Variants in PLCB1 observed in about 807,000 individuals in gnomAD.
The protein encoded by PLCB1 is 1-phosphatidylinositol 4,5-bisphosphate phosphodiesterase beta-1.
PLCB1 carries 46 observed loss-of-function variants against 161.8 expected under a neutral mutation model. The observed-to-expected ratio is 0.28, with a 90% CI of 0.22 to 0.36. The LOEUF (loss-of-function observed/expected upper bound fraction) is 0.36, where lower values mean the gene tolerates loss of function less well. Among genes scored for constraint, PLCB1 ranks in the 10% least tolerant of loss-of-function variants. The probability of loss-of-function intolerance (pLI) is 1.00; values close to 1 mark genes in which losing one functional copy is unlikely to be tolerated. For synonymous variants in PLCB1, 517 were observed against 503.7 expected (o/e 1.03, Z -0.35); for missense variants, 1,016 against 1,472.5 (o/e 0.69, Z 5.07).
chr20:8,215,983 T>A (rs1222375214), intron 2 of PLCB1, among the ~76,000 whole-genome samples: 2 of 152,052 alleles, frequency 1.3e-5, no homozygotes, highest in East Asian at 3.9e-4. Context: ...AGTAATTCAG[T>A]TTTGCGCTTT....
At chr20:8,637,560 A>G (rs1434940128) in intron 4 of PLCB1, among the ~76,000 whole-genome samples, 2 of 152,206 alleles carry the variant, frequency 1.3e-5, no homozygotes, top group Non-Finnish European at 2.9e-5. Context: ...GTTAAAGTAG[A>G]AGGGTGGGGA....
intron 13 of PLCB1, among the ~76,000 whole-genome samples, chr20:8,716,952 G>C (rs1979350876): frequency 6.6e-6 from 1 of 152,202 alleles, no homozygotes; most frequent in Non-Finnish European, 1.5e-5. Flanking sequence ...GCCAAGAATA[G>C]AGGACTAACT....
intron 10 of PLCB1, among the ~76,000 whole-genome samples, chr20:8,690,196 T>C (rs1990444987): frequency 6.6e-6 from 1 of 151,054 alleles, no homozygotes; most frequent in Non-Finnish European, 1.5e-5. Context: ...TGTATTATTA[T>C]ACCAAGGTTT....
chr20:8,796,843 T>A (rs1534980), intron 31 of PLCB1, among the ~76,000 whole-genome samples: 44,716 of 152,118 alleles, frequency 0.29, 7,061 homozygotes, highest in African/African-American at 0.41. Flanking sequence ...ATTCTATGTT[T>A]TGATCATGGT....
At chr20:8,390,615 A>G (rs576746637) in intron 3 of PLCB1, among the ~76,000 whole-genome samples, 15 of 152,312 alleles carry the variant, frequency 9.8e-5, no homozygotes, top group East Asian at 1.9e-4. Flanking sequence ...AATCAATACA[A>G]TGGTCAATGT....
intron 2 of PLCB1, among the ~76,000 whole-genome samples, chr20:8,369,694 C>T (rs1299977760): frequency 6.6e-6 from 1 of 152,094 alleles, no homozygotes; most frequent in Admixed American, 6.6e-5. Flanking sequence ...GGAGAATTTC[C>T]ACAGGGTCAG....
At chr20:8,316,627 T>A (rs1479913286) in intron 2 of PLCB1, among the ~76,000 whole-genome samples, 4 of 152,178 alleles carry the variant, frequency 2.6e-5, no homozygotes, top group African/African-American at 9.7e-5. Context: ...ATCCCAGAAC[T>A]ATTCTCTAAT....
chr20:8,854,999 G>A (rs912269539), intron 31 of PLCB1, among the ~76,000 whole-genome samples: 3 of 152,204 alleles, frequency 2.0e-5, no homozygotes, highest in Non-Finnish European at 2.9e-5. Context: ...ACATAACGGA[G>A]AGGGGAAATT....
intron 3 of PLCB1, among the ~76,000 whole-genome samples, chr20:8,376,694 T>TGAGGCGGGCGGATCAC (rs1449367559): frequency 3.3e-5 from 5 of 152,236 alleles, no homozygotes; most frequent in Middle Eastern, 6.8e-3. Flanking sequence ...TTTGGGTGGC[T>TGAGGCGGGCGGATCAC]GAGGCGGGCG....
At chr20:8,235,402 A>G (rs1200243870) in intron 2 of PLCB1, among the ~76,000 whole-genome samples, 1 of 152,120 alleles carries the variant, frequency 6.6e-6, no homozygotes, top group Non-Finnish European at 1.5e-5. Context: ...TGGAAAATAT[A>G]TCCATATAAT....
At chr20:8,700,498 G>A (rs1029359317) in intron 11 of PLCB1, among the ~76,000 whole-genome samples, 37 of 152,192 alleles carry the variant, frequency 2.4e-4, no homozygotes, top group African/African-American at 8.7e-4. Context: ...AGAGTCACGG[G>A]CTGATTGAAC....
At chr20:8,763,690 T>G (rs1982162232) in intron 25 of PLCB1, among the ~76,000 whole-genome samples, 1 of 151,792 alleles carries the variant, frequency 6.6e-6, no homozygotes, top group Non-Finnish European at 1.5e-5. Context: ...CTGGCCTAAT[T>G]TTTGTATTTT....
chr20:8,455,785 C>A (rs1373992873), intron 3 of PLCB1, among the ~76,000 whole-genome samples: 5 of 152,040 alleles, frequency 3.3e-5, no homozygotes, highest in African/African-American at 9.7e-5. Context: ...TGGCCATGAC[C>A]AACTTTATCC....
chr20:8,851,522 C>A (rs1986883968), intron 31 of PLCB1, among the ~76,000 whole-genome samples: 1 of 152,116 alleles, frequency 6.6e-6, no homozygotes, highest in African/African-American at 2.4e-5. Context: ...TAGTGGGTTA[C>A]TTTTTGCATG....
chr20:8,558,738 G>A (rs1163038550), intron 3 of PLCB1, among the ~76,000 whole-genome samples: 3 of 151,796 alleles, frequency 2.0e-5, no homozygotes, highest in Non-Finnish European at 4.4e-5. Context: ...ATTAATAACT[G>A]ATTTCTTATC....
At chr20:8,282,508 G>A (rs527567987) in intron 2 of PLCB1, among the ~76,000 whole-genome samples, 53 of 152,330 alleles carry the variant, frequency 3.5e-4, no homozygotes, top group African/African-American at 1.2e-3. Context: ...AAAGGAAGTT[G>A]TTTGAAGTCA....
chr20:8,777,718 CA>C (rs36103446), intron 27 of PLCB1, among the ~76,000 whole-genome samples: 90,407 of 135,766 alleles, frequency 0.67, 29,025 homozygotes, highest in East Asian at 0.83. Flanking sequence ...GACTCCATCT[CA>C]AAAAAAAAAA....
chr20:8,589,409 A>G (rs959539295), intron 3 of PLCB1, among the ~76,000 whole-genome samples: 3 of 152,088 alleles, frequency 2.0e-5, no homozygotes, highest in African/African-American at 7.2e-5. Context: ...TGGTATAACA[A>G]ATTACTGTAG....
chr20:8,863,107 C>A (rs918498750), intron 31 of PLCB1, among the ~76,000 whole-genome samples: 2 of 152,168 alleles, frequency 1.3e-5, no homozygotes, highest in Non-Finnish European at 2.9e-5. Context: ...CGTTTTTGCA[C>A]CCTGCAAGAG....
Sources: allele counts gnomAD v4.1 joint callset (sites outside exome capture counted in the v4.1 genomes callset), GRCh38; gene constraint gnomAD v4.1.1; transcripts MANE v1.5; gene names NCBI Gene and HGNC (gene_info 2026-07-23, HGNC 2026-07-21).